Variants in FRMD4B observed in about 807,000 individuals in gnomAD.
FRMD4B encodes FERM domain-containing protein 4B.
Under a neutral mutation model 141.5 loss-of-function variants are expected in FRMD4B, and 74 were observed. The ratio of observed to expected loss-of-function variants is 0.52; its 90% CI spans 0.43 to 0.63. FRMD4B has a LOEUF of 0.63. Among genes scored for constraint, FRMD4B ranks in the 30% least tolerant of loss-of-function variants. The pLI is 0.00. For missense variants in FRMD4B, 1,366 were observed against 1,253.4 expected (o/e 1.09, Z -1.36); for synonymous variants, 506 against 467.9 (o/e 1.08, Z -1.05).
chr3:69,196,471 C>A, intron 13 of FRMD4B, 75 bp from the exon 14 acceptor site: 1 of 1,162,224 alleles, frequency 8.6e-7, no homozygotes, highest in South Asian at 1.4e-5. Context: ...AGTTAACATA[C>A]AATAAAAATA....
At chr3:69,182,764 A>C in intron 19 of FRMD4B, 47 bp from the exon 20 acceptor site, 1 of 1,589,806 alleles carries the variant, frequency 6.3e-7, no homozygotes. Flanking sequence ...GTCTCTCAAC[A>C]TCTCTGGCAA....
At chr3:69,198,545 G>T in intron 12 of FRMD4B, 153 bp downstream of exon 12, 1 of 612,456 alleles carries the variant, frequency 1.6e-6, no homozygotes, top group Admixed American at 3.0e-5. Context: ...GAGGGTTAAA[G>T]ATAGTTACCA....
chr3:69,254,648 T>C (rs2093482113), intron 5 of FRMD4B, among the ~76,000 whole-genome samples: 1 of 151,948 alleles, frequency 6.6e-6, no homozygotes, highest in Non-Finnish European at 1.5e-5. Context: ...ACCCCACCTA[T>C]CCAAGAAATG....
chr3:69,245,090 T>C (rs1378174118), intron 7 of FRMD4B, among the ~76,000 whole-genome samples: 1 of 152,146 alleles, frequency 6.6e-6, no homozygotes, highest in Admixed American at 6.5e-5. Flanking sequence ...ACAAATGCAA[T>C]ATTAATTCAT....
At chr3:69,353,101 A>G (rs978844717) in intron 1 of FRMD4B, among the ~76,000 whole-genome samples, 21 of 152,000 alleles carry the variant, frequency 1.4e-4, no homozygotes, top group African/African-American at 2.7e-4. Context: ...TTAAAAAAAA[A>G]AAGAAGAAGA....
At chr3:69,499,374 A>C (rs1449634319) in intron 1 of FRMD4B, among the ~76,000 whole-genome samples, 3 of 152,202 alleles carry the variant, frequency 2.0e-5, no homozygotes, top group Non-Finnish European at 4.4e-5. Context: ...CATGAAAAAC[A>C]ACAGCTGAGG....
chr3:69,531,268 CACAT>C (rs1440276879), intron 1 of FRMD4B, among the ~76,000 whole-genome samples: 2 of 152,124 alleles, frequency 1.3e-5, no homozygotes, highest in African/African-American at 4.8e-5. Flanking sequence ...TGTGACTATT[CACAT>C]ACAGGCTCTC....
intron 1 of FRMD4B, among the ~76,000 whole-genome samples, chr3:69,455,778 A>C (rs1485999948): frequency 6.6e-6 from 1 of 152,144 alleles, no homozygotes; most frequent in Non-Finnish European, 1.5e-5. Flanking sequence ...CCAATTTTTT[A>C]ATGTCTTTAA....
intron 1 of FRMD4B, among the ~76,000 whole-genome samples, chr3:69,331,868 T>A (rs1702380122): frequency 6.6e-6 from 1 of 152,050 alleles, no homozygotes; most frequent in African/African-American, 2.4e-5. Context: ...GGTGGGTGGA[T>A]CAAGAGGTCA....
chr3:69,488,751 G>T (rs1197033975), intron 1 of FRMD4B, among the ~76,000 whole-genome samples: 1 of 151,730 alleles, frequency 6.6e-6, no homozygotes, highest in African/African-American at 2.4e-5. Flanking sequence ...AAATTAGCTG[G>T]GCATGGTGGC....
chr3:69,203,584 G>A (rs1001451611), intron 11 of FRMD4B, among the ~76,000 whole-genome samples: 1 of 152,140 alleles, frequency 6.6e-6, no homozygotes, highest in African/African-American at 2.4e-5. Context: ...GATTGCCTTG[G>A]TTAGCATTCT....
intron 1 of FRMD4B, among the ~76,000 whole-genome samples, chr3:69,378,111 A>T (rs1016761008): frequency 6.6e-6 from 1 of 151,814 alleles, no homozygotes; most frequent in Non-Finnish European, 1.5e-5. Context: ...TCAGTCACCA[A>T]TCCTACTTCT....
intron 7 of FRMD4B, among the ~76,000 whole-genome samples, chr3:69,244,297 G>C (rs71302176): frequency 1.3e-5 from 2 of 152,290 alleles, no homozygotes; most frequent in Non-Finnish European, 2.9e-5. Context: ...AGCTGGTTTG[G>C]AGGCTGGGCT....
intron 3 of FRMD4B, among the ~76,000 whole-genome samples, chr3:69,310,825 A>G (rs943917994): frequency 1.3e-5 from 2 of 152,168 alleles, no homozygotes; most frequent in Non-Finnish European, 2.9e-5. Flanking sequence ...TTAAAAGTTC[A>G]TTCCATATTA....
chr3:69,221,598 T>G (rs1369635298), intron 9 of FRMD4B, among the ~76,000 whole-genome samples: 2 of 152,192 alleles, frequency 1.3e-5, no homozygotes, highest in Non-Finnish European at 2.9e-5. Context: ...AGCTCACCTG[T>G]TTACCACAGT....
chr3:69,508,712 G>T (rs1465890362), intron 1 of FRMD4B, among the ~76,000 whole-genome samples: 1 of 152,206 alleles, frequency 6.6e-6, no homozygotes, highest in Non-Finnish European at 1.5e-5. Flanking sequence ...AATATCAGGT[G>T]ATTTAAGAAT....
chr3:69,348,410 G>A (rs933581178), intron 1 of FRMD4B, among the ~76,000 whole-genome samples: 12 of 152,284 alleles, frequency 7.9e-5, no homozygotes, highest in Admixed American at 3.3e-4. Context: ...GAGGTACAAG[G>A]AGGAACTGGT....
intron 11 of FRMD4B, among the ~76,000 whole-genome samples, chr3:69,208,061 T>A (rs1035453285): frequency 6.0e-5 from 9 of 151,202 alleles, no homozygotes; most frequent in Non-Finnish European, 1.2e-4. Context: ...TGTATTTTTA[T>A]TTTTATTTTA....
chr3:69,310,383 T>C, intron 3 of FRMD4B: 1 of 438,940 alleles, frequency 2.3e-6, no homozygotes, highest in Admixed American at 2.4e-5. Flanking sequence ...GCTGGATGGT[T>C]GGCCAACATA....
Sources: gnomAD v4.1 joint callset for allele counts (sites outside exome capture counted in the v4.1 genomes callset) on GRCh38, gnomAD v4.1.1 for gene constraint, MANE v1.5 for transcripts, NCBI Gene and HGNC (gene_info 2026-07-23, HGNC 2026-07-21) for gene names.